The following LRBA variants were observed in gnomAD, a reference collection of about 807,000 sequenced individuals.
LRBA encodes LPS responsive beige-like anchor protein, also known as lipopolysaccharide-responsive and beige-like anchor protein.
In LRBA, 176 loss-of-function variants were observed where a neutral mutation model predicts 330.0. The observed-to-expected ratio is 0.53, with a 90% CI of 0.47 to 0.60. The LOEUF (loss-of-function observed/expected upper bound fraction) is 0.60. Among genes scored for constraint, LRBA ranks in the 20% least tolerant of loss-of-function variants. The pLI is 0.00. For synonymous variants in LRBA, 1,230 were observed against 1,193.0 expected (o/e 1.03, Z -0.64); for missense variants, 3,259 against 3,444.8 (o/e 0.95, Z 1.35).
At chr4:150,946,910 G>C (rs1326298656) in intron 2 of LRBA, among the ~76,000 whole-genome samples, 1 of 147,014 alleles carries the variant, frequency 6.8e-6, no homozygotes, top group Non-Finnish European at 1.5e-5. Context: ...ACAGGCCTTA[G>C]AGGCAGCAAA....
intron 47 of LRBA, among the ~76,000 whole-genome samples, chr4:150,368,006 G>C (rs567859990): frequency 6.6e-6 from 1 of 152,068 alleles, no homozygotes; most frequent in Admixed American, 6.6e-5. Flanking sequence ...GTATATTACT[G>C]TATTTTTAAA....
chr4:150,315,651 A>AG, intron 50 of LRBA, 28 bp from the exon 51 acceptor site: 2 of 1,495,806 alleles, frequency 1.3e-6, no homozygotes, highest in Non-Finnish European at 1.8e-6. Context: ...TAAAGAAAAA[A>AG]GGCATTATTT....
intron 47 of LRBA, among the ~76,000 whole-genome samples, chr4:150,383,617 T>C (rs960245199): frequency 3.3e-5 from 5 of 152,242 alleles, no homozygotes; most frequent in East Asian, 3.9e-4. Context: ...TTAGATAGTA[T>C]TGGAAGTCTG....
At chr4:150,979,672 G>T (rs1740615651) in intron 2 of LRBA, among the ~76,000 whole-genome samples, 1 of 152,164 alleles carries the variant, frequency 6.6e-6, no homozygotes, top group Non-Finnish European at 1.5e-5. Flanking sequence ...AGCAATCAGT[G>T]TTAAACTGTC....
At chr4:150,706,883 AT>A (rs1396876740) in intron 36 of LRBA, among the ~76,000 whole-genome samples, 1 of 151,692 alleles carries the variant, frequency 6.6e-6, no homozygotes, top group Non-Finnish European at 1.5e-5. Context: ...AGAAATACAA[AT>A]TAAAACTCTA....
chr4:150,837,773 A>C (rs1167918635), intron 28 of LRBA, among the ~76,000 whole-genome samples: 3 of 152,058 alleles, frequency 2.0e-5, no homozygotes, highest in Non-Finnish European at 4.4e-5. Context: ...TTTTAATTGG[A>C]GCATTTAGCC....
chr4:150,922,616 G>A (rs1733426080), intron 4 of LRBA, among the ~76,000 whole-genome samples: 1 of 152,022 alleles, frequency 6.6e-6, no homozygotes, highest in Non-Finnish European at 1.5e-5. Flanking sequence ...GGGACTTGGG[G>A]TAAGAGTGGG....
intron 37 of LRBA, among the ~76,000 whole-genome samples, chr4:150,666,810 C>G (rs1234258940): frequency 1.3e-5 from 2 of 152,080 alleles, no homozygotes; most frequent in African/African-American, 2.4e-5. Context: ...ATAAACAAAG[C>G]CTTAGTCACA....
At chr4:150,483,400 G>C (rs1757514170) in intron 42 of LRBA, among the ~76,000 whole-genome samples, 1 of 151,570 alleles carries the variant, frequency 6.6e-6, no homozygotes, top group African/African-American at 2.4e-5. Context: ...TTTATATTAA[G>C]TCTTTTGTTT....
At chr4:150,328,736 G>GGCAGTCAGA in intron 48 of LRBA, among the ~76,000 whole-genome samples, 1 of 152,096 alleles carries the variant, frequency 6.6e-6, no homozygotes, top group African/African-American at 2.4e-5. Flanking sequence ...ACAGAGAGAG[G>GGCAGTCAGA]GCAGTCAGAG....
intron 47 of LRBA, among the ~76,000 whole-genome samples, chr4:150,374,441 C>T (rs1257686764): frequency 2.6e-5 from 4 of 152,124 alleles, no homozygotes; most frequent in African/African-American, 4.8e-5. Context: ...CACCTTGAAC[C>T]CAGAGATGGG....
chr4:150,489,960 A>C (rs554513490), intron 41 of LRBA, among the ~76,000 whole-genome samples: 19 of 151,330 alleles, frequency 1.3e-4, no homozygotes, highest in African/African-American at 4.3e-4. Flanking sequence ...ATTTCAAAGA[A>C]AGAAAATGAA....
chr4:150,502,844 A>C (rs1386226251), intron 40 of LRBA, among the ~76,000 whole-genome samples: 2 of 152,030 alleles, frequency 1.3e-5, no homozygotes, highest in African/African-American at 4.8e-5. Context: ...AAATTGGGTC[A>C]CTCCCACCCT....
intron 36 of LRBA, among the ~76,000 whole-genome samples, chr4:150,714,228 A>G (rs1382663650): frequency 6.6e-6 from 1 of 152,208 alleles, no homozygotes; most frequent in Non-Finnish European, 1.5e-5. Context: ...GTACAAATAC[A>G]TTATGTCTAA....
At chr4:150,619,997 A>C (rs1420468846) in intron 37 of LRBA, among the ~76,000 whole-genome samples, 2 of 152,156 alleles carry the variant, frequency 1.3e-5, no homozygotes, top group Non-Finnish European at 2.9e-5. Flanking sequence ...AAATGAATGT[A>C]ATTTAACTAC....
intron 50 of LRBA, among the ~76,000 whole-genome samples, chr4:150,319,183 GTTCCCGTTGAGCCAGCTC>G (rs534652299): frequency 1.4e-3 from 210 of 152,262 alleles, no homozygotes; most frequent in African/African-American, 4.9e-3. Context: ...AGCCAGCTCA[GTTCCCGTTGAGCCAGCTC>G]TTCCTAGGCT....
intron 36 of LRBA, among the ~76,000 whole-genome samples, chr4:150,717,597 T>C (rs1048703281): frequency 2.0e-5 from 3 of 150,906 alleles, no homozygotes; most frequent in African/African-American, 7.3e-5. Context: ...GAAGCTCAGT[T>C]TGCAGTGAGC....
intron 4 of LRBA, among the ~76,000 whole-genome samples, chr4:150,925,359 A>G (rs963641174): frequency 3.3e-5 from 5 of 152,190 alleles, no homozygotes; most frequent in Non-Finnish European, 5.9e-5. Context: ...GCCATCAAAA[A>G]TAATGCTTCA....
At chr4:150,448,264 C>G (rs1419870202) in intron 44 of LRBA, among the ~76,000 whole-genome samples, 10 of 152,142 alleles carry the variant, frequency 6.6e-5, no homozygotes, top group Admixed American at 6.5e-4. Context: ...TTCGGTACCA[C>G]AAAGAATAAT....
Sources: allele counts gnomAD v4.1 joint callset (sites outside exome capture counted in the v4.1 genomes callset), GRCh38; gene constraint gnomAD v4.1.1; transcripts MANE v1.5; gene names NCBI Gene and HGNC (gene_info 2026-07-23, HGNC 2026-07-21).